ENTREP2: variants seen among roughly 807,000 people sequenced by gnomAD.
ENTREP2 encodes the protein protein ENTREP2.
chr15:29,483,234 A>G, the ENTREP2 span, among the ~76,000 whole-genome samples: 1 of 152,226 alleles, frequency 6.6e-6, no homozygotes, highest in Non-Finnish European at 1.5e-5. Flanking sequence ...ATTTTGAATA[A>G]AAGTCCTTGA....
chr15:29,226,439 C>T, the ENTREP2 span, among the ~76,000 whole-genome samples: 830 of 152,266 alleles, frequency 5.5e-3, 21 homozygotes, highest in Admixed American at 0.045. Flanking sequence ...ATCATGACAA[C>T]GCACAAATAG....
At chr15:29,398,481 T>G in the ENTREP2 span, among the ~76,000 whole-genome samples, 1 of 152,218 alleles carries the variant, frequency 6.6e-6, no homozygotes, top group South Asian at 2.1e-4. Flanking sequence ...GCCAGCACTT[T>G]GGGAGGCCGA....
chr15:29,187,432 C>T, the ENTREP2 span, among the ~76,000 whole-genome samples: 5 of 152,066 alleles, frequency 3.3e-5, no homozygotes, highest in South Asian at 2.1e-4. Context: ...TGTGCCACCA[C>T]GCCAGGCTAA....
the ENTREP2 span, among the ~76,000 whole-genome samples, chr15:29,668,657 C>G: frequency 6.6e-6 from 1 of 152,174 alleles, no homozygotes; most frequent in Non-Finnish European, 1.5e-5. Context: ...GCTGATGCCC[C>G]GAATTTGATG....
the ENTREP2 span, among the ~76,000 whole-genome samples, chr15:29,170,611 T>C: frequency 6.6e-6 from 1 of 151,918 alleles, no homozygotes; most frequent in Non-Finnish European, 1.5e-5. Context: ...TGTGTGTGTG[T>C]GCATAGTCTG....
chr15:29,545,041 G>A, the ENTREP2 span, among the ~76,000 whole-genome samples: 73 of 152,322 alleles, frequency 4.8e-4, no homozygotes, highest in Admixed American at 1.2e-3. Context: ...GTGGACAGAA[G>A]GTTGCCTTCC....
chr15:29,580,523 G>A, the ENTREP2 span, among the ~76,000 whole-genome samples: 17 of 152,042 alleles, frequency 1.1e-4, no homozygotes, highest in African/African-American at 2.7e-4. Flanking sequence ...GGCCTATAGC[G>A]GCAGAACAGA....
chr15:29,160,708 CAAAAA>C, the ENTREP2 span, among the ~76,000 whole-genome samples: 19 of 36,252 alleles, frequency 5.2e-4, no homozygotes, highest in African/African-American at 1.7e-3. Context: ...GACTCTGTCT[CAAAAA>C]AAAAAAAAAA....
the ENTREP2 span, among the ~76,000 whole-genome samples, chr15:29,529,612 G>T: frequency 6.6e-6 from 1 of 152,010 alleles, no homozygotes; most frequent in Non-Finnish European, 1.5e-5. Context: ...GAATCAGCTA[G>T]CCTGGGAGGG....
chr15:29,285,436 T>C, the ENTREP2 span, among the ~76,000 whole-genome samples: 129 of 152,326 alleles, frequency 8.5e-4, 1 homozygote, highest in African/African-American at 3.0e-3. Flanking sequence ...AAGAGAATAC[T>C]ATATACAGCC....
chr15:29,217,810 T>G, the ENTREP2 span, among the ~76,000 whole-genome samples: 8 of 152,176 alleles, frequency 5.3e-5, no homozygotes, highest in African/African-American at 1.9e-4. Context: ...TGTGATTTTT[T>G]GGGGGTGTTA....
the ENTREP2 span, among the ~76,000 whole-genome samples, chr15:29,424,552 T>C: frequency 9.5e-3 from 1,438 of 152,086 alleles, 13 homozygotes; most frequent in Middle Eastern, 0.034. Context: ...ACCTCTCAGG[T>C]GAAAGGAGCA....
chr15:29,531,229 C>G, the ENTREP2 span, among the ~76,000 whole-genome samples: 1 of 152,162 alleles, frequency 6.6e-6, no homozygotes, highest in Non-Finnish European at 1.5e-5. Context: ...AGGTAGGGGA[C>G]GGGAAGCCAG....
chr15:29,429,871 G>A, the ENTREP2 span, among the ~76,000 whole-genome samples: 89 of 152,288 alleles, frequency 5.8e-4, no homozygotes, highest in South Asian at 8.3e-4. Context: ...TCAAGAAGCC[G>A]TTACCAAAAG....
chr15:29,222,378 G>C, the ENTREP2 span, among the ~76,000 whole-genome samples: 1 of 152,198 alleles, frequency 6.6e-6, no homozygotes, highest in Admixed American at 6.5e-5. Context: ...TGGGCAACCA[G>C]CATCCCTTAG....
the ENTREP2 span, among the ~76,000 whole-genome samples, chr15:29,365,427 A>T: frequency 1.3e-5 from 2 of 151,866 alleles, no homozygotes; most frequent in East Asian, 3.9e-4. Context: ...TAATTTTTGT[A>T]TTTTTAGTAG....
the ENTREP2 span, among the ~76,000 whole-genome samples, chr15:29,200,722 C>T: frequency 1.3e-5 from 2 of 151,778 alleles, no homozygotes; most frequent in East Asian, 2.0e-4. Context: ...CCAGGCCCAG[C>T]TAATTTTTTT....
At chr15:29,595,805 A>G in the ENTREP2 span, among the ~76,000 whole-genome samples, 1 of 152,066 alleles carries the variant, frequency 6.6e-6, no homozygotes, top group African/African-American at 2.4e-5. Flanking sequence ...TTTGGGTTAT[A>G]GCCTCCTTTT....
chr15:29,666,790 G>A, the ENTREP2 span, among the ~76,000 whole-genome samples: 1 of 152,182 alleles, frequency 6.6e-6, no homozygotes, highest in Non-Finnish European at 1.5e-5. Flanking sequence ...ACCATAGACT[G>A]GAGGGCATAA....
Sources: allele counts gnomAD v4.1 joint callset (sites outside exome capture counted in the v4.1 genomes callset), GRCh38; gene constraint gnomAD v4.1.1; transcripts MANE v1.5; gene names NCBI Gene and HGNC (gene_info 2026-07-23, HGNC 2026-07-21).